Variants in SLC30A4 observed in about 807,000 individuals in gnomAD.
SLC30A4 encodes the protein solute carrier family 30 member 4.
Under a neutral mutation model 41.7 loss-of-function variants are expected in SLC30A4, and 20 were observed. The ratio of observed to expected loss-of-function variants is 0.48; its 90% CI spans 0.34 to 0.70. The LOEUF is 0.70. Among genes scored for constraint, SLC30A4 ranks in the 30% least tolerant of loss-of-function variants. The pLI is 0.01. For missense variants in SLC30A4, 441 were observed against 529.3 expected (o/e 0.83, Z 1.64); for synonymous variants, 181 against 195.9 (o/e 0.92, Z 0.64).
At chr15:45,501,311 A>T (rs1892029774) in intron 3 of SLC30A4, among the ~76,000 whole-genome samples, 1 of 152,074 alleles carries the variant, frequency 6.6e-6, no homozygotes, top group Non-Finnish European at 1.5e-5. Context: ...CCATCTCAAA[A>T]AAAAAAATTA....
Position 45,511,240 on chromosome 15 carries a change from G to T in SLC30A4, c.436C>A (p.His146Asn). The change falls in exon 3 of 8, where the codon CAT (histidine) becomes AAT (asparagine). Residue 146 changes from histidine (H) to asparagine (N), a missense_variant. Physicochemically the swap from His to Asn is moderately conservative, Grantham distance 68. Coordinates refer to ENST00000261867, the MANE Select transcript of SLC30A4 (RefSeq NM_013309.6). ...ATGGCGCTTAGGTCAGTTAACATATGAAGTGCATCTGTCATGATTGCTAGG... is the reference window on the plus strand; with the variant it reads ...ATGGCGCTTAGGTCAGTTAACATATTAAGTGCATCTGTCATGATTGCTAGG... ...NSLAIMTDAL[H>N]MLTDLSAIIL... The T allele has an allele frequency of 6.2e-7, 1 of 1,612,682 alleles. No individual in the cohort carries two copies.
chr15:45,521,824 G>T, intron 2 of SLC30A4, 140 bp downstream of exon 2: 1 of 783,700 alleles, frequency 1.3e-6, no homozygotes, highest in Non-Finnish European at 2.0e-6. Context: ...GAACCGTGTG[G>T]CCTTTTCACA....
At chr15:45,505,785 G>T (rs1892144853) in intron 3 of SLC30A4, among the ~76,000 whole-genome samples, 1 of 152,202 alleles carries the variant, frequency 6.6e-6, no homozygotes, top group Admixed American at 6.5e-5. Flanking sequence ...GTGCTGGAAG[G>T]ATAGGCTAGA....
Position 45,514,425 on chromosome 15 carries a change from A to G in SLC30A4, c.392-3141T>C, listed in dbSNP as rs183944899. Among the ~76,000 whole-genome samples, 595 of 151,466 alleles carry G rather than the reference A, an allele frequency of 3.9e-3. 2 individuals are homozygous for G. Among genetic ancestry groups the G allele is most frequent in the African/African-American group, 0.013 (531 of 41,358 alleles). ...CAGCTATGGGAAAACTTCCTAAACC[A>G]TAAACTATAGTGTTGATGATTTCGT... On this transcript the variant is annotated intron_variant, in intron 2 of 7. Transcript: ENST00000261867.
In SLC30A4 at chr15:45,488,790, C is replaced by A. The variant is rs996553858; in HGVS notation, c.894+51G>T. ...TGATATGACAATCAGCCTTAGTTTTCATGTTGAAATTAAGTACATTTTAAA... is the reference window on the plus strand; with the variant it reads ...TGATATGACAATCAGCCTTAGTTTTAATGTTGAAATTAAGTACATTTTAAA... On this transcript the variant is annotated intron_variant, in intron 5 of 7. Coordinates refer to ENST00000261867, the MANE Select transcript of SLC30A4 (RefSeq NM_013309.6). 4.1e-6 allele frequency: 6 copies of A among 1,451,006 alleles called. No individual in the cohort carries two copies. In the African/African-American group the frequency reaches 8.4e-5, roughly 20 times the overall value. 89.9% of individuals were successfully genotyped at this position (1,451,006 alleles called of 1,614,324 possible).
At chr15:45,515,320 A>G (rs1892435164) in intron 2 of SLC30A4, among the ~76,000 whole-genome samples, 1 of 151,862 alleles carries the variant, frequency 6.6e-6, no homozygotes, top group Admixed American at 6.6e-5. Flanking sequence ...GAGCCACTGC[A>G]CCCAGCCCTT....
intron 4 of SLC30A4, among the ~76,000 whole-genome samples, chr15:45,489,484 T>C (rs1891769591): frequency 6.6e-6 from 1 of 151,346 alleles, no homozygotes; most frequent in South Asian, 2.1e-4. Flanking sequence ...ATGTGCTCTG[T>C]GTACTTGAAA....
At chr15:45,501,015 T>C (rs1482883991) in intron 3 of SLC30A4, among the ~76,000 whole-genome samples, 5 of 150,700 alleles carry the variant, frequency 3.3e-5, no homozygotes, top group Admixed American at 6.6e-5. Context: ...TTTAGAATTA[T>C]AGAAAAATGT....
intron 2 of SLC30A4, among the ~76,000 whole-genome samples, chr15:45,516,066 G>C (rs1281776887): frequency 6.6e-6 from 1 of 152,026 alleles, no homozygotes; most frequent in Non-Finnish European, 1.5e-5. Flanking sequence ...CGCCCACCCT[G>C]AATTTCTATT....
At chr15:45,496,874 T>TAAATAAATAAAA (rs1555391477) in intron 3 of SLC30A4, among the ~76,000 whole-genome samples, 1 of 142,110 alleles carries the variant, frequency 7.0e-6, no homozygotes, top group Non-Finnish European at 1.5e-5. Flanking sequence ...AATAAATAAA[T>TAAATAAATAAAA]AAAATAAATA....
intron 3 of SLC30A4, among the ~76,000 whole-genome samples, chr15:45,492,376 G>A (rs757702317): frequency 6.6e-6 from 1 of 152,012 alleles, no homozygotes; most frequent in Non-Finnish European, 1.5e-5. Context: ...TCACAAGAAA[G>A]TATTACATTT....
chr15:45,481,242 T>C lies in SLC30A4; in HGVS notation c.*3921A>G, dbSNP rs2140803522. 6.6e-6 allele frequency: 1 copy of C among 152,252 alleles called. No homozygotes were observed. Among genetic ancestry groups the C allele is most frequent in the East Asian group, 1.9e-4 (1 of 5,184 alleles). 9.4% of individuals were successfully genotyped at this position (152,252 alleles called of 1,614,324 possible). ...GTGGCAAAAAAACACTGATGGGAACTCTAAGTTGTAAAAATCTGCACTCAC... is the reference window on the plus strand; with the variant it reads ...GTGGCAAAAAAACACTGATGGGAACCCTAAGTTGTAAAAATCTGCACTCAC... On this transcript the variant is annotated 3_prime_UTR_variant, in exon 8 of 8. Transcript: ENST00000261867.
chr15:45,518,432 G>GC (rs1408453328), intron 2 of SLC30A4, among the ~76,000 whole-genome samples: 1 of 152,214 alleles, frequency 6.6e-6, no homozygotes. Context: ...GTAGCACAGT[G>GC]CCTGGCACAT....
rs1472666969 is a variant in SLC30A4 at position 45,484,170 on chromosome 15, C to T, written c.*993G>A. 6.6e-6 allele frequency: 1 copy of T among 152,514 alleles called. No individual in the cohort carries two copies. Among genetic ancestry groups the T allele is most frequent in the African/African-American group, 2.4e-5 (1 of 41,426 alleles). 9.4% of individuals were successfully genotyped at this position (152,514 alleles called of 1,614,324 possible). Reference sequence around the variant, plus strand: ...TATAAACTGAACCCTCTAGAGTTTACCCTGAAAGGCTAAACACACAGATGA... The same window carrying T: ...TATAAACTGAACCCTCTAGAGTTTATCCTGAAAGGCTAAACACACAGATGA... On this transcript the variant is annotated 3_prime_UTR_variant, in exon 8 of 8. Transcript: ENST00000261867.
intron 3 of SLC30A4, among the ~76,000 whole-genome samples, chr15:45,503,218 G>C (rs1369854491): frequency 6.6e-6 from 1 of 151,800 alleles, no homozygotes; most frequent in Admixed American, 6.6e-5. Flanking sequence ...GAGAAGCAAA[G>C]GCACAGTAAA....
chr15:45,520,901 CA>C, intron 2 of SLC30A4: 1 of 376,970 alleles, frequency 2.7e-6, no homozygotes, highest in South Asian at 2.1e-5. Context: ...GTTTGAAAGC[CA>C]CTGAGATAGA....
intron 2 of SLC30A4, among the ~76,000 whole-genome samples, chr15:45,517,809 G>A (rs1435715435): frequency 6.6e-6 from 1 of 151,968 alleles, no homozygotes; most frequent in Admixed American, 6.6e-5. Context: ...TTAGCTAGGC[G>A]CGGTGGGGGG....
intron 2 of SLC30A4, among the ~76,000 whole-genome samples, chr15:45,517,445 C>T (rs1276837672): frequency 6.7e-6 from 1 of 148,826 alleles, no homozygotes; most frequent in Non-Finnish European, 1.5e-5. Context: ...CCTCCGCCTC[C>T]TAGGTTCAAG....
At chr15:45,488,176 T>C (rs1052831037) in intron 5 of SLC30A4, among the ~76,000 whole-genome samples, 1 of 152,124 alleles carries the variant, frequency 6.6e-6, no homozygotes, top group South Asian at 2.1e-4. Flanking sequence ...GCTTTCAAGG[T>C]CAAAGCATTA....
Sources: allele counts gnomAD v4.1 joint callset (sites outside exome capture counted in the v4.1 genomes callset), GRCh38; gene constraint gnomAD v4.1.1; transcripts MANE v1.5; gene names NCBI Gene and HGNC (gene_info 2026-07-23, HGNC 2026-07-21).